GAS6: variants seen among roughly 807,000 people sequenced by gnomAD.
GAS6 encodes growth arrest-specific protein 6.
In GAS6, 41 loss-of-function variants were observed where a neutral mutation model predicts 75.8. That is an observed-to-expected ratio of 0.54 (90% CI 0.42 to 0.70). GAS6 has a LOEUF of 0.70. Ranked by LOEUF, GAS6 falls within the 30% of genes least tolerant of loss-of-function variation. The pLI, the probability that GAS6 is intolerant of heterozygous loss-of-function variation, is 0.00. For synonymous variants in GAS6, 432 were observed against 412.6 expected (o/e 1.05, Z -0.57); for missense variants, 854 against 940.2 (o/e 0.91, Z 1.20).
intron 8 of GAS6, chr13:113,833,049 C>A: frequency 1.5e-6 from 2 of 1,292,540 alleles, no homozygotes; most frequent in Non-Finnish European, 9.9e-7. Context: ...TTCAAGCATA[C>A]AAAAATTACA....
intron 3 of GAS6, 110 bp downstream of exon 3, chr13:113,847,916 A>G: frequency 9.9e-7 from 1 of 1,011,600 alleles, no homozygotes; most frequent in South Asian, 1.3e-5. Context: ...CCATGTGATT[A>G]AGAATCTTCC....
chr13:113,858,645 G>GT (rs2051936088), intron 2 of GAS6, among the ~76,000 whole-genome samples: 1 of 107,570 alleles, frequency 9.3e-6, no homozygotes, highest in Non-Finnish European at 1.7e-5. Context: ...GTGTGTTTGT[G>GT]ACTGTATGTG....
Position 113,845,858 on chromosome 13 carries a change from G to A in GAS6, c.343+669C>T, listed in dbSNP as rs1424526297. On this transcript the variant is annotated intron_variant, in intron 4 of 14. Transcript: ENST00000327773. This position sits in a 1 kb window ranked among gnomAD's most constrained non-coding sequence, Gnocchi z 4.3. ...CACCCCTGCAGGGGCGGAGGCTAAG[G>A]CTGGCTCTGGGATAATTTGGCAGTA... 6.6e-6 allele frequency: 1 copy of A among 152,192 alleles called. No homozygotes were observed. The highest frequency in any genetic ancestry group is 1.5e-5 in the Non-Finnish European group (1 of 68,046). The allele number at this position is 152,192 out of a possible 1,614,324, so 9.4% of individuals were successfully genotyped here.
At chr13:113,823,571 T>C in intron 12 of GAS6, 21 bp from the exon 13 acceptor site, 1 of 1,596,122 alleles carries the variant, frequency 6.3e-7, no homozygotes. Context: ...AGCGGTGCAT[T>C]ATAGGGTGGT....
In GAS6 at chr13:113,820,622, T is replaced by G. The variant is rs1445239247; in HGVS notation, c.*242A>C. 9 of 486,978 alleles carry G rather than the reference T, an allele frequency of 1.8e-5. No homozygotes were observed. Among genetic ancestry groups the G allele is most frequent in the Non-Finnish European group, 3.3e-5 (9 of 273,668 alleles). The allele number at this position is 486,978 out of a possible 1,614,324, so 30.2% of individuals were successfully genotyped here. Reference sequence around the variant, plus strand: ...AAGAAGCGCTTGGTAATAAAAATAATAGAGAATTATTTTCTTCGAGCCCGC... The same window carrying G: ...AAGAAGCGCTTGGTAATAAAAATAAGAGAGAATTATTTTCTTCGAGCCCGC... On this transcript the variant is annotated 3_prime_UTR_variant, in exon 15 of 15. Transcript: ENST00000327773.
intron 11 of GAS6, among the ~76,000 whole-genome samples, chr13:113,828,244 A>G (rs962311194): frequency 2.0e-5 from 3 of 151,964 alleles, no homozygotes; most frequent in African/African-American, 7.3e-5. Context: ...AGCCTGGGCA[A>G]CAGAGCAAGA....
chr13:113,843,508 G>A (rs992230642), intron 4 of GAS6: 3 of 151,222 alleles, frequency 2.0e-5, no homozygotes, highest in East Asian at 1.9e-4. Context: ...CGCCTGTGGG[G>A]ACCTGACCTT....
At chr13:113,833,138 T>C in intron 8 of GAS6, 1 of 1,157,046 alleles carries the variant, frequency 8.6e-7, no homozygotes. Flanking sequence ...AGTTCCCTGT[T>C]CTGGGCTGTG....
chr13:113,828,003 C>G (rs548803587), intron 11 of GAS6, among the ~76,000 whole-genome samples: 32 of 152,180 alleles, frequency 2.1e-4, no homozygotes, highest in Non-Finnish European at 4.0e-4. Flanking sequence ...CGGCCGGGCG[C>G]GGTGGCTCAC....
intron 12 of GAS6, among the ~76,000 whole-genome samples, chr13:113,825,018 AGACCAACCT>A (rs2138615456): frequency 6.6e-6 from 1 of 152,214 alleles, no homozygotes; most frequent in East Asian, 1.9e-4. Context: ...CGGGAGTTCG[AGACCAACCT>A]GACCAACATG....
Position 113,863,993 on chromosome 13 carries a change from C to G in GAS6, c.-73G>C. On this transcript the variant is annotated 5_prime_UTR_variant, in exon 1 of 15. Coordinates refer to ENST00000327773, the MANE Select transcript of GAS6 (RefSeq NM_000820.4). The surrounding 1 kb of genome is among the most constrained non-coding windows in gnomAD (Gnocchi z 9.4). ...CCGCGGGCGCCGCGGGGCGGAGGCT[C>G]CGGTCATCCCGTCCTGGCGGCCCTG... is the stretch of plus-strand genomic sequence containing the variant. 3 of 1,021,124 alleles carry G rather than the reference C, an allele frequency of 2.9e-6. No homozygotes were observed. The highest frequency in any genetic ancestry group is 3.5e-6 in the Non-Finnish European group (3 of 856,068). The allele number at this position is 1,021,124 out of a possible 1,614,324, so 63.3% of individuals were successfully genotyped here.
Position 113,832,382 on chromosome 13 carries a change from G to C in GAS6, c.1060C>G (p.Arg354Gly), listed in dbSNP as rs1375911203. 7.4e-6 allele frequency: 12 copies of C among 1,611,386 alleles called. No homozygotes were observed. The highest frequency in any genetic ancestry group is 1.0e-5 in the Non-Finnish European group (12 of 1,179,920). The change falls in exon 10 of 15, where the codon CGG becomes GGG. Residue 354 changes from arginine (R) to glycine (G), a missense_variant. Coordinates refer to ENST00000327773, the MANE Select transcript of GAS6 (RefSeq NM_000820.4). ...TWIVLALRAG[R>G]LELQLRYNGV... ...TTGTAGCGCAGCTGCAGCTCCAGCC[G>C]GCCGGCTCTCAGGGCCAGCACGATC...
At chr13:113,829,544 G>T (rs1383735755) in intron 10 of GAS6, among the ~76,000 whole-genome samples, 1 of 149,732 alleles carries the variant, frequency 6.7e-6, no homozygotes, top group East Asian at 2.0e-4. Context: ...GGCCAAGAGG[G>T]TCCCAACTTC....
intron 2 of GAS6, among the ~76,000 whole-genome samples, chr13:113,859,988 C>G (rs777215875): frequency 6.6e-5 from 10 of 152,244 alleles, no homozygotes; most frequent in Non-Finnish European, 1.2e-4. Context: ...CCTTCCCCAG[C>G]TGTTCCCAAA....
At chr13:113,842,784 T>C (rs762630062) in intron 4 of GAS6, 2 of 396,856 alleles carry the variant, frequency 5.0e-6, no homozygotes, top group Non-Finnish European at 8.8e-6. Flanking sequence ...TGGTTAGAGA[T>C]TAAAGCCATT....
chr13:113,842,687 A>C (rs1594203995), intron 4 of GAS6: 2 of 396,882 alleles, frequency 5.0e-6, no homozygotes, highest in Non-Finnish European at 8.8e-6. Context: ...GCAGGGCCCA[A>C]CCCTCCGGCA....
intron 8 of GAS6, chr13:113,833,340 C>T (rs2051653434): frequency 7.0e-6 from 7 of 998,158 alleles, no homozygotes; most frequent in African/African-American, 1.7e-5. Flanking sequence ...AACCTCAAGG[C>T]GAGGGCTGGC....
chr13:113,833,076 T>G (rs896500937), intron 8 of GAS6: 1 of 1,232,142 alleles, frequency 8.1e-7, no homozygotes, highest in African/African-American at 1.6e-5. Flanking sequence ...CATTAAAAAG[T>G]ATACACTATT....
At chr13:113,856,246 A>G (rs1299031571) in intron 2 of GAS6, among the ~76,000 whole-genome samples, 1 of 152,196 alleles carries the variant, frequency 6.6e-6, no homozygotes, top group Non-Finnish European at 1.5e-5. Context: ...CAGTATGCTC[A>G]CAGTCGCCTG....
Sources: allele counts gnomAD v4.1 joint callset (sites outside exome capture counted in the v4.1 genomes callset), GRCh38; gene constraint gnomAD v4.1.1; non-coding constraint Gnocchi (gnomAD v3.1); transcripts MANE v1.5; gene names NCBI Gene and HGNC (gene_info 2026-07-23, HGNC 2026-07-21).